PIP5K1C: variants seen among roughly 807,000 people sequenced by gnomAD.
PIP5K1C encodes the protein phosphatidylinositol-4-phosphate 5-kinase type 1 gamma.
In PIP5K1C, 45 loss-of-function variants were observed where a neutral mutation model predicts 80.1. That is an observed-to-expected ratio of 0.56 (90% CI 0.44 to 0.72). The LOEUF is 0.72. PIP5K1C is among the 30% of genes least tolerant of loss of function. The pLI is 0.00. For synonymous variants in PIP5K1C, 498 were observed against 420.1 expected (o/e 1.19, Z -2.27); for missense variants, 753 against 954.6 (o/e 0.79, Z 2.78).
At chr19:3,686,814 A>G (rs1600084588) in intron 1 of PIP5K1C, among the ~76,000 whole-genome samples, 2 of 152,200 alleles carry the variant, frequency 1.3e-5, no homozygotes, top group Admixed American at 6.5e-5. Context: ...AAACTACTTA[A>G]GAAAATGGGG....
chr19:3,674,474 T>TC (rs1013656790), intron 1 of PIP5K1C, among the ~76,000 whole-genome samples: 4 of 150,328 alleles, frequency 2.7e-5, no homozygotes, highest in South Asian at 2.1e-4. Context: ...TGCCTCAGCC[T>TC]CCCCCGAGTA....
chr19:3,656,688 C>T, intron 5 of PIP5K1C, 131 bp from the exon 6 acceptor site: 1 of 1,066,198 alleles, frequency 9.4e-7, no homozygotes, highest in South Asian at 1.3e-5. Context: ...GAAAGAGAGG[C>T]TCAGAGAGGG....
Position 3,643,264 on chromosome 19 carries a change from GTCTCCGAGGGGGA to G in PIP5K1C, c.1615_1627del (p.Ser539ArgfsTer68). ...CCACCTGTACCGCGGCTGCTCCGAC[GTCTCCGAGGGGGA>G]CCGCTCAGGAATGGAGAGGGATGTG... On this transcript the variant is annotated frameshift_variant, in exon 13 of 18. Transcript: ENST00000335312. LOFTEE classifies it high-confidence loss of function. 1 of 1,613,596 alleles carries G rather than the reference GTCTCCGAGGGGGA, an allele frequency of 6.2e-7. No homozygotes were observed. Among genetic ancestry groups the G allele is most frequent in the Non-Finnish European group, 8.5e-7 (1 of 1,179,796 alleles).
chr19:3,656,149 G>A (rs950503048), intron 6 of PIP5K1C, among the ~76,000 whole-genome samples: 3 of 152,214 alleles, frequency 2.0e-5, no homozygotes, highest in Non-Finnish European at 4.4e-5. Flanking sequence ...CCAGGCAGGG[G>A]CCGGTGCCCA....
chr19:3,640,502 C>A (rs1045387808), intron 15 of PIP5K1C, among the ~76,000 whole-genome samples: 1 of 152,044 alleles, frequency 6.6e-6, no homozygotes, highest in Non-Finnish European at 1.5e-5. Flanking sequence ...GGCAACAGAG[C>A]GAGATTCTGT....
In PIP5K1C at chr19:3,637,867, G is replaced by A. The variant is rs535596987; in HGVS notation, c.1920+1017C>T. 563 of 1,535,240 alleles carry A rather than the reference G, an allele frequency of 3.7e-4. No homozygotes were observed. Among genetic ancestry groups the A allele is most frequent in the Non-Finnish European group, 4.3e-4 (498 of 1,146,700 alleles). On this transcript the variant is annotated intron_variant, in intron 16 of 17. Coordinates refer to ENST00000335312, the MANE Select transcript of PIP5K1C (RefSeq NM_012398.3). The surrounding 1 kb of genome is among the most constrained non-coding windows in gnomAD (Gnocchi z 7.0). ...GCACGACATGGCCCCCAGGCCCCCC[G>A]TACCATCCGGAGACCAGGACGCGCA...
At chr19:3,658,272 C>T (rs1018055600) in intron 5 of PIP5K1C, among the ~76,000 whole-genome samples, 1 of 152,262 alleles carries the variant, frequency 6.6e-6, no homozygotes, top group Non-Finnish European at 1.5e-5. Flanking sequence ...CAGCGAGGGT[C>T]CTTCCTCCTG....
chr19:3,658,231 C>G (rs999411893), intron 5 of PIP5K1C, among the ~76,000 whole-genome samples: 12 of 152,240 alleles, frequency 7.9e-5, no homozygotes, highest in Admixed American at 7.2e-4. Flanking sequence ...GCGGAGTCAG[C>G]AACAGCCCTG....
At chr19:3,670,343 C>T (rs376355954) in intron 1 of PIP5K1C, among the ~76,000 whole-genome samples, 26 of 152,050 alleles carry the variant, frequency 1.7e-4, no homozygotes, top group East Asian at 5.8e-4. Flanking sequence ...GTGGGGTGGG[C>T]CCTGGATCCA....
chr19:3,648,645 G>A lies in PIP5K1C; in HGVS notation c.1191C>T (p.Ile397=), dbSNP rs748052238. Reference sequence around the variant, plus strand: ...CCCACCTGTAGGACTGCAGGATGTCGATGATGCCAATGTGCAGCAGCAGCC... The same window carrying A: ...CCCACCTGTAGGACTGCAGGATGTCAATGATGCCAATGTGCAGCAGCAGCC... The part of the protein sequence containing the change: ...GERLLLHIGI[I]DILQSYRFIK... The change falls in exon 9 of 18, where the codon ATC becomes ATT. Residue 397 remains isoleucine (I), a synonymous_variant. Coordinates refer to ENST00000335312, the MANE Select transcript of PIP5K1C (RefSeq NM_012398.3). The surrounding 1 kb of genome is among the most constrained non-coding windows in gnomAD (Gnocchi z 4.3). 1.9e-5 allele frequency: 31 copies of A among 1,612,908 alleles called. No individual in the cohort carries two copies. The highest frequency in any genetic ancestry group is 5.3e-5 in the African/African-American group (4 of 74,902).
In PIP5K1C at chr19:3,696,651, T is replaced by C. The variant is rs1268605317; in HGVS notation, c.94+3646A>G. ...GTGCAAAGGCCCCGGGGCAGGACCA[T>C]GCCCTGCATGCTGGAGGAACAGCAA... On this transcript the variant is annotated intron_variant, in intron 1 of 17. Transcript: ENST00000335312. This position sits in a 1 kb window ranked among gnomAD's most constrained non-coding sequence, Gnocchi z 4.1. Among the ~76,000 whole-genome samples, 3 of 139,112 alleles carry C rather than the reference T, an allele frequency of 2.2e-5. No individual in the cohort carries two copies. The highest frequency in any genetic ancestry group is 4.6e-5 in the Non-Finnish European group (3 of 65,204). The allele number at this position is 139,112 out of a possible 152,430, so 91.3% of individuals were successfully genotyped here.
chr19:3,647,942 G>A (rs960464351), intron 9 of PIP5K1C, among the ~76,000 whole-genome samples: 8 of 152,202 alleles, frequency 5.3e-5, no homozygotes, highest in Non-Finnish European at 1.2e-4. Flanking sequence ...GCGAGACTTT[G>A]TCTTAAAACA....
At chr19:3,654,449 C>T (rs1412321578) in intron 6 of PIP5K1C, among the ~76,000 whole-genome samples, 1 of 152,250 alleles carries the variant, frequency 6.6e-6, no homozygotes, top group Non-Finnish European at 1.5e-5. Flanking sequence ...AGGTGAACTC[C>T]AGCCCCTGGG....
Position 3,656,699 on chromosome 19 carries a change from C to T in PIP5K1C, c.469-142G>A, listed in dbSNP as rs1202391908. Reference sequence around the variant, plus strand: ...TGCGGAAAGAGAGGCTCAGAGAGGGCGAGAGACTTGCCTGAGGCTAGCCAG... The same window carrying T: ...TGCGGAAAGAGAGGCTCAGAGAGGGTGAGAGACTTGCCTGAGGCTAGCCAG... On this transcript the variant is annotated intron_variant, in intron 5 of 17. Coordinates refer to ENST00000335312, the MANE Select transcript of PIP5K1C (RefSeq NM_012398.3). The T allele has an allele frequency of 2.4e-5, 24 of 982,332 alleles. 1 individual carries two copies. Among genetic ancestry groups the T allele is most frequent in the South Asian group, 9.6e-5 (7 of 72,918 alleles). 60.9% of individuals were successfully genotyped at this position (982,332 alleles called of 1,614,324 possible).
At chr19:3,647,474 G>A (rs984808813) in intron 9 of PIP5K1C, 88 bp from the exon 10 acceptor site, 2 of 1,128,130 alleles carry the variant, frequency 1.8e-6, no homozygotes, top group African/African-American at 1.5e-5. Context: ...CACCCCCCAG[G>A]ACACTGGGCC....
chr19:3,648,099 G>A lies in PIP5K1C; in HGVS notation c.1211+526C>T, dbSNP rs1173323907. Among the ~76,000 whole-genome samples the A allele has an allele frequency of 6.6e-6, 1 of 151,980 alleles. No homozygotes were observed. The highest frequency in any genetic ancestry group is 1.9e-4 in the East Asian group (1 of 5,186). On this transcript the variant is annotated intron_variant, in intron 9 of 17. Transcript: ENST00000335312. The surrounding 1 kb of genome is among the most constrained non-coding windows in gnomAD (Gnocchi z 4.3). Reference sequence around the variant, plus strand: ...TGCAGTACGGCCATCATAGCTCACTGCTGCAGCCCCAGACTCCTGGGCCCA... The same window carrying A: ...TGCAGTACGGCCATCATAGCTCACTACTGCAGCCCCAGACTCCTGGGCCCA...
chr19:3,698,227 G>A (rs548035528), intron 1 of PIP5K1C, among the ~76,000 whole-genome samples: 1 of 152,342 alleles, frequency 6.6e-6, no homozygotes, highest in Non-Finnish European at 1.5e-5. Context: ...TGGCCAACCG[G>A]CACGACAATC....
At chr19:3,675,606 G>A (rs142951726) in intron 1 of PIP5K1C, among the ~76,000 whole-genome samples, 1 of 152,308 alleles carries the variant, frequency 6.6e-6, no homozygotes, top group East Asian at 1.9e-4. Flanking sequence ...GGGATGGACA[G>A]TCTCGTCCAT....
rs1029807406 is a variant in PIP5K1C at position 3,688,518 on chromosome 19, G to A, written c.94+11779C>T. Among the ~76,000 whole-genome samples, 3 of 152,164 alleles carry A rather than the reference G, an allele frequency of 2.0e-5. No individual in the cohort carries two copies. Among genetic ancestry groups the A allele is most frequent in the Non-Finnish European group, 4.4e-5 (3 of 68,012 alleles). On this transcript the variant is annotated intron_variant, in intron 1 of 17. Coordinates refer to ENST00000335312, the MANE Select transcript of PIP5K1C (RefSeq NM_012398.3). This position sits in a 1 kb window ranked among gnomAD's most constrained non-coding sequence, Gnocchi z 5.3. The stretch of plus-strand genomic sequence containing the variant: ...TCCGGTGAGGCCACCCTCGCCCCCT[G>A]GTTTCAACTCCTGCTGTGAGCACCT...
Sources: gnomAD v4.1 joint callset for allele counts (sites outside exome capture counted in the v4.1 genomes callset) on GRCh38, gnomAD v4.1.1 for gene constraint, Gnocchi (gnomAD v3.1) non-coding constraint, MANE v1.5 for transcripts, NCBI Gene and HGNC (gene_info 2026-07-23, HGNC 2026-07-21) for gene names.